HPR: variants seen among roughly 807,000 people sequenced by gnomAD.
HPR encodes Haptoglobin-related locus.
In HPR, 17 loss-of-function variants were observed where a neutral mutation model predicts 18.5. The ratio of observed to expected loss-of-function variants is 0.92; its 90% confidence interval spans 0.63 to 1.38. The LOEUF is 1.38. Among genes scored for constraint, HPR ranks in the 40% most tolerant of loss-of-function variants. HPR has a pLI of 0.00. For missense variants in HPR, 457 were observed against 432.4 expected (o/e 1.06, Z -0.51); for synonymous variants, 176 against 165.0 (o/e 1.07, Z -0.51).
In HPR at chr16:72,077,147, G is replaced by A. The variant is rs557912336; in HGVS notation, c.*66G>A. Reference sequence around the variant, plus strand: ...CAGCCTGGAAGAGGGCAAAGTGGACGGGAGTGGACAGGAGTGGATGCGATA... The same window carrying A: ...CAGCCTGGAAGAGGGCAAAGTGGACAGGAGTGGACAGGAGTGGATGCGATA... On this transcript the variant is annotated 3_prime_UTR_variant, in exon 5 of 5. Coordinates refer to ENST00000540303, the MANE Select transcript of HPR (RefSeq NM_020995.4). 235 of 1,513,048 alleles carry A rather than the reference G, an allele frequency of 1.6e-4. 3 individuals are homozygous for A. The highest frequency in any genetic ancestry group is 9.1e-4 in the African/African-American group (65 of 71,682). The allele number at this position is 1,513,048 out of a possible 1,614,324, so 93.7% of individuals were successfully genotyped here. A position where few individuals can be genotyped will look rare whatever the true frequency, so the allele number is the denominator to read the frequency against.
chr16:72,066,597 T>A (rs1241734643), intron 1 of HPR, among the ~76,000 whole-genome samples: 2 of 152,050 alleles, frequency 1.3e-5, no homozygotes, highest in African/African-American at 4.8e-5. Flanking sequence ...AGGAGAAAGA[T>A]GAGGGACCTA....
intron 1 of HPR, among the ~76,000 whole-genome samples, chr16:72,067,224 T>C (rs1397850812): frequency 6.6e-6 from 1 of 152,070 alleles, no homozygotes; most frequent in Admixed American, 6.6e-5. Flanking sequence ...CCTTGATAAA[T>C]TTGGAGGTGG....
At chr16:72,072,187 T>C (rs1024221400) in intron 1 of HPR, among the ~76,000 whole-genome samples, 1 of 152,118 alleles carries the variant, frequency 6.6e-6, no homozygotes, top group African/African-American at 2.4e-5. Context: ...TTTGTATTTT[T>C]AGTAGAGACA....
chr16:72,069,743 C>A (rs1436108447), intron 1 of HPR, among the ~76,000 whole-genome samples: 1 of 152,120 alleles, frequency 6.6e-6, no homozygotes, highest in Admixed American at 6.5e-5. Context: ...CTAAGAAAAC[C>A]GCCCCTTGGA....
chr16:72,063,439 C>T (rs1187434514), intron 1 of HPR, among the ~76,000 whole-genome samples, 179 bp downstream of exon 1: 1 of 151,882 alleles, frequency 6.6e-6, no homozygotes, highest in Non-Finnish European at 1.5e-5. Flanking sequence ...GAAGACAGTG[C>T]TGCTGTCTTT....
At position 72,076,310 on chromosome 16, in the gene HPR, G is replaced by T. The variant is rs2041722631; in HGVS notation, c.276G>T (p.Gly92=). 6.2e-7 allele frequency: 1 copy of T among 1,613,104 alleles called. No homozygotes were observed. The highest frequency in any genetic ancestry group is 1.7e-5 in the Admixed American group (1 of 59,896). The change falls in exon 5 of 5, where the codon GGG becomes GGT. Residue 92 remains glycine, a synonymous_variant. Transcript: ENST00000540303. ...TCTTGCTCTCCTTGACAGTATGTGGGAAGCCCAAGAATCCGGCAAACCCAG... is the reference window on the plus strand; with the variant it reads ...TCTTGCTCTCCTTGACAGTATGTGGTAAGCCCAAGAATCCGGCAAACCCAG... ...DKLPECEAVC[G]KPKNPANPVQ... is the part of the protein sequence containing the mutation.
chr16:72,074,153 G>C, intron 2 of HPR, 131 bp from the exon 3 acceptor site: 1 of 1,257,658 alleles, frequency 8.0e-7, no homozygotes, highest in Non-Finnish European at 1.2e-6. Flanking sequence ...AGGGGAGCTT[G>C]AGCTTTCGTT....
intron 2 of HPR, 53 bp from the exon 3 acceptor site, chr16:72,074,231 T>C: frequency 2.0e-6 from 3 of 1,527,258 alleles, no homozygotes; most frequent in African/African-American, 1.4e-5. Context: ...TTTTCATGGG[T>C]CTCTGGGAAC....
chr16:72,072,476 A>C (rs374941649), intron 1 of HPR, among the ~76,000 whole-genome samples: 39 of 152,314 alleles, frequency 2.6e-4, no homozygotes, highest in Middle Eastern at 3.4e-3. Flanking sequence ...ATCCCTAATA[A>C]TACTACTCCA....
chr16:72,063,803 C>T (rs1011522336), intron 1 of HPR, among the ~76,000 whole-genome samples: 1 of 151,890 alleles, frequency 6.6e-6, no homozygotes, highest in African/African-American at 2.4e-5. Context: ...GAGTGAGTGG[C>T]GCGATCTCAG....
chr16:72,064,347 G>GC (rs746877646), intron 1 of HPR, among the ~76,000 whole-genome samples: 38 of 152,038 alleles, frequency 2.5e-4, no homozygotes, highest in Non-Finnish European at 5.0e-4. Flanking sequence ...TGCTTTCAAG[G>GC]CCAGACTTCC....
chr16:72,064,041 A>T (rs1443723385), intron 1 of HPR, among the ~76,000 whole-genome samples: 1 of 152,090 alleles, frequency 6.6e-6, no homozygotes, highest in Non-Finnish European at 1.5e-5. Context: ...CACCCTGCCT[A>T]GAAACTATTT....
chr16:72,074,261 C>G (rs777629174), intron 2 of HPR, 23 bp from the exon 3 acceptor site: 1 of 1,600,854 alleles, frequency 6.2e-7, no homozygotes, highest in Admixed American at 1.7e-5. Flanking sequence ...ATGGTAAACT[C>G]TCTGGCTTCT....
chr16:72,065,947 C>G (rs934521591), intron 1 of HPR, among the ~76,000 whole-genome samples: 1 of 152,160 alleles, frequency 6.6e-6, no homozygotes, highest in African/African-American at 2.4e-5. Context: ...GATCCCATCC[C>G]AGATTCTTCC....
intron 1 of HPR, among the ~76,000 whole-genome samples, chr16:72,064,941 G>T (rs1292449223): frequency 6.6e-6 from 1 of 152,136 alleles, no homozygotes; most frequent in African/African-American, 2.4e-5. Flanking sequence ...ACAACGTGGG[G>T]AGAAAAAGAC....
chr16:72,063,665 A>T (rs1430983973), intron 1 of HPR, among the ~76,000 whole-genome samples: 1 of 152,202 alleles, frequency 6.6e-6, no homozygotes, highest in East Asian at 1.9e-4. Context: ...GATACACACT[A>T]GTACCTGGGA....
At position 72,076,931 on chromosome 16, in the gene HPR, T is replaced by C. The variant is rs1597421957; in HGVS notation, c.897T>C (p.Ser299=). ...ACACCTGCTATGGCGATGCGGGCAG[T>C]GCCTTTGCCGTTCACGACCTGGAGG... ...QEDTCYGDAG[S]AFAVHDLEED... is the part of the protein sequence containing the mutation. Residue 299 remains serine (S), a synonymous_variant, in exon 5 of 5, where the codon AGT becomes AGC. Coordinates refer to ENST00000540303, the MANE Select transcript of HPR (RefSeq NM_020995.4). 2 of 1,614,118 alleles carry C rather than the reference T, an allele frequency of 1.2e-6. No individual in the cohort carries two copies. The highest frequency in any genetic ancestry group is 2.7e-5 in the African/African-American group (2 of 74,942).
intron 4 of HPR, 50 bp from the exon 5 acceptor site, chr16:72,076,253 G>C (rs765962647): frequency 3.1e-6 from 5 of 1,598,606 alleles, no homozygotes. Context: ...TTCTCAGATG[G>C]AAAGGCTCTT....
chr16:72,074,191 G>T, intron 2 of HPR, 93 bp from the exon 3 acceptor site: 1 of 1,284,182 alleles, frequency 7.8e-7, no homozygotes, highest in South Asian at 1.2e-5. Flanking sequence ...GAAGGAGATT[G>T]ATGTGCAGAG....
Sources: gnomAD v4.1 joint callset for allele counts (sites outside exome capture counted in the v4.1 genomes callset) on GRCh38, gnomAD v4.1.1 for gene constraint, MANE v1.5 for transcripts, NCBI Gene and HGNC (gene_info 2026-07-23, HGNC 2026-07-21) for gene names.